MARF1: variants seen among roughly 807,000 people sequenced by gnomAD.
The protein encoded by MARF1 is limkain-b1.
Under a neutral mutation model 168.2 loss-of-function variants are expected in MARF1, and 24 were observed. That is an observed-to-expected ratio of 0.14 (90% CI 0.10 to 0.20). MARF1 has a LOEUF of 0.20. Among genes scored for constraint, MARF1 ranks in the 10% least tolerant of loss-of-function variants. MARF1 has a pLI of 1.00. For synonymous variants in MARF1, 868 were observed against 822.4 expected, an observed-to-expected ratio of 1.06 and a Z score of -0.95; for missense variants, 1,744 against 2,143.6, an observed-to-expected ratio of 0.81 and a Z score of 3.68.
chr16:15,636,201 C>T lies in MARF1; in HGVS notation c.286G>A (p.Val96Ile), dbSNP rs768781611. 6 of 1,614,070 alleles carry T rather than the reference C, an allele frequency of 3.7e-6. No individual in the cohort carries two copies. The highest frequency in any genetic ancestry group is 5.1e-6 in the Non-Finnish European group (6 of 1,180,042). Reference sequence around the variant, plus strand: ...TGAGCACAGCAGCTTACTTTGGGGACAGAAGAAAGCTGTATTTTAGGCTGC... The same window carrying T: ...TGAGCACAGCAGCTTACTTTGGGGATAGAAGAAAGCTGTATTTTAGGCTGC... ...LQQPKIQLSSVPKVSCCAHCP... is the reference protein window; with the variant it reads ...LQQPKIQLSSIPKVSCCAHCP... Residue 96 changes from valine (V) to isoleucine (I), a missense_variant, in exon 3 of 27, where the codon GTC becomes ATC. Coordinates refer to ENST00000396368, the MANE Select transcript of MARF1 (RefSeq NM_014647.4).
At chr16:15,633,175 C>CACACACA (rs1555529762) in intron 5 of MARF1, among the ~76,000 whole-genome samples, 1 of 136,928 alleles carries the variant, frequency 7.3e-6, no homozygotes, top group Non-Finnish European at 1.6e-5. Context: ...AAAAAAAACA[C>CACACACA]CACACACACA....
In MARF1 at chr16:15,615,949, T is replaced by C. The variant is rs779514056; in HGVS notation, c.3134A>G (p.Gln1045Arg). 39 of 1,578,548 alleles carry C rather than the reference T, an allele frequency of 2.5e-5. No homozygotes were observed. The Admixed American group carries it at 6.9e-4, about 28-fold the overall frequency. ...GAAGTGTTCTAAGGGAACACCTCCT[T>C]GGTTTTCTTGCACTACTTCTAGATC... ...FGDLEVVQEN[Q>R]GGVPLEHFIT... The change falls in exon 16 of 27, where the codon CAA becomes CGA. Residue 1045 changes from glutamine (Q) to arginine (R), a missense_variant. This residue lies in a region of MARF1 where 543 missense variants were observed against 742.1 expected (regional missense o/e 0.73). Coordinates refer to ENST00000396368, the MANE Select transcript of MARF1 (RefSeq NM_014647.4).
At position 15,625,076 on chromosome 16, in the gene MARF1, G is replaced by A. The variant is rs1363009274; in HGVS notation, c.2051C>T (p.Ala684Val). ...CGAGTTTTTCGGCGTCGACACTGCA[G>A]CACTTGAGTTACCGTGAGTGGGTAC... ...LVVPTHGNSS[A>V]AVSTPKNSGV... The change falls in exon 9 of 27, where the codon GCT (alanine) becomes GTT (valine). Residue 684 changes from alanine (A) to valine (V), a missense_variant. Ala to Val is a moderately conservative substitution (Grantham distance 64). This residue lies in a region of MARF1 where 270 missense variants were observed against 260.6 expected (regional missense o/e 1.04). Transcript: ENST00000396368. The A allele has an allele frequency of 6.2e-7, 1 of 1,614,202 alleles. No homozygotes were observed. The highest frequency in any genetic ancestry group is 1.3e-5 in the African/African-American group (1 of 75,050).
chr16:15,630,669 G>GT (rs1445079757), intron 6 of MARF1, among the ~76,000 whole-genome samples, 165 bp from the exon 7 acceptor site: 1 of 152,110 alleles, frequency 6.6e-6, no homozygotes, highest in Non-Finnish European at 1.5e-5. Flanking sequence ...TCAGAAGAAT[G>GT]TAAGACAATC....
intron 7 of MARF1, among the ~76,000 whole-genome samples, chr16:15,627,888 T>C (rs981206840): frequency 6.6e-6 from 1 of 152,228 alleles, no homozygotes; most frequent in African/African-American, 2.4e-5. Flanking sequence ...GACACTCTTA[T>C]GAGTGTAAAT....
At chr16:15,617,614 A>G (rs2034165721) in intron 13 of MARF1, 79 bp from the exon 14 acceptor site, 7 of 938,404 alleles carry the variant, frequency 7.5e-6, no homozygotes, top group Middle Eastern at 3.4e-4. Context: ...GTTTAAATAA[A>G]GAACAATAAC....
intron 2 of MARF1, 45 bp from the exon 3 acceptor site, chr16:15,636,387 T>C (rs1037120989): frequency 2.8e-6 from 4 of 1,444,162 alleles, no homozygotes; most frequent in Non-Finnish European, 3.7e-6. Context: ...ATGAGGTCCG[T>C]GGTTTTTTGG....
intron 22 of MARF1, 104 bp downstream of exon 22, chr16:15,604,064 G>A (rs2032780852): frequency 1.1e-6 from 1 of 875,798 alleles, no homozygotes; most frequent in Non-Finnish European, 1.8e-6. Context: ...GGTCTCTCGG[G>A]TCCCTTCCAG....
At chr16:15,625,886 ACT>A in intron 7 of MARF1, 86 bp from the exon 8 acceptor site, 1 of 1,002,116 alleles carries the variant, frequency 1.0e-6, no homozygotes, top group East Asian at 2.4e-5. Context: ...TGACCTCCAA[ACT>A]TCAGTTAACA....
In MARF1 at chr16:15,594,703, G is replaced by A. The variant is rs1467305980; in HGVS notation, c.*1990C>T. Reference sequence around the variant, plus strand: ...TGGATAAAAAAATAGATAGCAATTGGACTGGCCATTGTGGAGTACATTATG... The same window carrying A: ...TGGATAAAAAAATAGATAGCAATTGAACTGGCCATTGTGGAGTACATTATG... On this transcript the variant is annotated 3_prime_UTR_variant, in exon 27 of 27. Transcript: ENST00000396368. 1 of 152,450 alleles carries A rather than the reference G, an allele frequency of 6.6e-6. No individual in the cohort carries two copies. The highest frequency in any genetic ancestry group is 2.4e-5 in the African/African-American group (1 of 41,386). The allele number at this position is 152,450 out of a possible 1,614,324, so 9.4% of individuals were successfully genotyped here.
rs1192751799 is a variant in MARF1 at position 15,595,175 on chromosome 16, T to C, written c.*1518A>G. ...AGTGCCATAATACTTACAGGGTTTTTTCCATGGTGTTCTGTCTTGACTGGG... is the reference window on the plus strand; with the variant it reads ...AGTGCCATAATACTTACAGGGTTTTCTCCATGGTGTTCTGTCTTGACTGGG... On this transcript the variant is annotated 3_prime_UTR_variant, in exon 27 of 27. Transcript: ENST00000396368. 1 of 152,652 alleles carries C rather than the reference T, an allele frequency of 6.6e-6. No homozygotes were observed. The highest frequency in any genetic ancestry group is 1.9e-4 in the East Asian group (1 of 5,202). The allele number at this position is 152,652 out of a possible 1,614,324, so 9.5% of individuals were successfully genotyped here.
chr16:15,608,766 C>T (rs1192065004), intron 20 of MARF1: 7 of 476,732 alleles, frequency 1.5e-5, no homozygotes, highest in African/African-American at 1.2e-4. Context: ...GTGTATTGTG[C>T]CACAATAAAA....
At chr16:15,598,348 T>C (rs1011264501) in intron 26 of MARF1, among the ~76,000 whole-genome samples, 3 of 152,080 alleles carry the variant, frequency 2.0e-5, no homozygotes, top group Admixed American at 6.5e-5. Flanking sequence ...GAGCACAGGG[T>C]CAGTGCCAAT....
chr16:15,638,604 G>A (rs1161719292), intron 2 of MARF1, among the ~76,000 whole-genome samples: 2 of 151,758 alleles, frequency 1.3e-5, no homozygotes, highest in Admixed American at 1.3e-4. Context: ...AAAAGAAAAT[G>A]TCAAAATCAC....
Position 15,602,176 on chromosome 16 carries a change from A to G in MARF1, c.4441T>C (p.Cys1481Arg). 3.7e-6 allele frequency: 6 copies of G among 1,614,162 alleles called. No homozygotes were observed. Among genetic ancestry groups the G allele is most frequent in the Non-Finnish European group, 5.1e-6 (6 of 1,179,982 alleles). ...AAATACAGACTTGTGAGCTTCACACATTCTTCCATCTTATCATTAGTGAAA... is the reference window on the plus strand; with the variant it reads ...AAATACAGACTTGTGAGCTTCACACGTTCTTCCATCTTATCATTAGTGAAA... ...EVFTNDKMEE[C>R]VKLTSLYLFA... is the part of the protein sequence containing the mutation. The change falls in exon 23 of 27, where the codon TGT becomes CGT. Residue 1481 changes from cysteine to arginine, a missense_variant. Around this residue, in one of 7 missense-constraint regions of MARF1, gnomAD observed 313 missense variants for 337.4 expected, o/e 0.93. Transcript: ENST00000396368.
chr16:15,604,446 C>T, intron 21 of MARF1, 48 bp from the exon 22 acceptor site: 1 of 1,329,924 alleles, frequency 7.5e-7, no homozygotes, highest in Non-Finnish European at 1.1e-6. Context: ...GAGAGACACC[C>T]TAGGTTATAC....
At position 15,596,489 on chromosome 16, in the gene MARF1, GAA is replaced by G; in HGVS notation, c.*202_*203del. 2.4e-6 allele frequency: 1 copy of G among 424,022 alleles called. No homozygotes were observed. The highest frequency in any genetic ancestry group is 4.0e-6 in the Non-Finnish European group (1 of 247,196). The allele number at this position is 424,022 out of a possible 1,614,324, so 26.3% of individuals were successfully genotyped here. A position where few individuals can be genotyped will look rare whatever the true frequency, so the allele number is the denominator to read the frequency against. ...CAAGTTCTTCAAATAATTGAAAAAA[GAA>G]AGAAAAAGGAAGAAGAAAAGAAAGA... On this transcript the variant is annotated 3_prime_UTR_variant, in exon 27 of 27. Coordinates refer to ENST00000396368, the MANE Select transcript of MARF1 (RefSeq NM_014647.4).
At position 15,600,597 on chromosome 16, in the gene MARF1, G is replaced by A. The variant is rs140799315; in HGVS notation, c.4687+44C>T. ...CCGTCAGAGAGAAATGTCAGTGAGA[G>A]AACCGTGATTTTTTAAGGGGGGAGG... On this transcript the variant is annotated intron_variant, in intron 24 of 26. Coordinates refer to ENST00000396368, the MANE Select transcript of MARF1 (RefSeq NM_014647.4). 300 of 1,614,172 alleles carry A rather than the reference G, an allele frequency of 1.9e-4. 6 individuals carry two copies. The South Asian group carries it at 3.1e-3, about 17-fold the overall frequency.
In MARF1 at chr16:15,596,689, G is replaced by A; in HGVS notation, c.*4C>T. 1 of 1,572,292 alleles carries A rather than the reference G, an allele frequency of 6.4e-7. No homozygotes were observed. Among genetic ancestry groups the A allele is most frequent in the South Asian group, 1.2e-5 (1 of 86,946 alleles). On this transcript the variant is annotated 3_prime_UTR_variant, in exon 27 of 27. Coordinates refer to ENST00000396368, the MANE Select transcript of MARF1 (RefSeq NM_014647.4). ...CCATCCTAATTCTATATTCCAAATG[G>A]GAGTTAAAGCTTGGTTATAGGTGCT...
Sources: allele counts gnomAD v4.1 joint callset (sites outside exome capture counted in the v4.1 genomes callset), GRCh38; gene constraint gnomAD v4.1.1; regional missense constraint gnomAD v4.1.1; transcripts MANE v1.5; gene names NCBI Gene and HGNC (gene_info 2026-07-23, HGNC 2026-07-21).